Variants in SPESP1 observed in about 807,000 individuals in gnomAD.
The protein encoded by SPESP1 is sperm equatorial segment protein 1, also known as equatorial segment protein.
A neutral mutation model predicts 3.1 loss-of-function variants in SPESP1; 1 was observed. The ratio of observed to expected loss-of-function variants is 0.33; its 90% confidence interval spans 0.12 to 1.54. The LOEUF (loss-of-function observed/expected upper bound fraction) is 1.54, where lower values mean the gene tolerates loss of function less well. SPESP1 is among the 40% of genes most tolerant of loss of function. The pLI, the probability that SPESP1 is intolerant of heterozygous loss-of-function variation, is 0.38. For synonymous variants in SPESP1, 138 were observed against 150.7 expected, an observed-to-expected ratio of 0.92 and a Z score of 0.62; for missense variants, 398 against 410.1, an observed-to-expected ratio of 0.97 and a Z score of 0.26.
At chr15:68,934,024 A>G (rs76756706) in intron 1 of SPESP1, among the ~76,000 whole-genome samples, 275 of 152,090 alleles carry the variant, frequency 1.8e-3, no homozygotes, top group Non-Finnish European at 3.5e-3. Flanking sequence ...AAAGTGTGTT[A>G]ATATTAATTT....
chr15:68,936,706 TTTAATA>T (rs1226649486), intron 1 of SPESP1, among the ~76,000 whole-genome samples: 2 of 152,184 alleles, frequency 1.3e-5, no homozygotes, highest in East Asian at 3.8e-4. Flanking sequence ...ATGGAGGTAT[TTTAATA>T]TTAAGATTGT....
At chr15:68,934,498 C>A (rs903928509) in intron 1 of SPESP1, among the ~76,000 whole-genome samples, 1 of 152,172 alleles carries the variant, frequency 6.6e-6, no homozygotes, top group African/African-American at 2.4e-5. Context: ...ACTGTCATGA[C>A]ACACTTTGTT....
At chr15:68,935,864 C>T (rs1169273884) in intron 1 of SPESP1, among the ~76,000 whole-genome samples, 1 of 152,168 alleles carries the variant, frequency 6.6e-6, no homozygotes, top group Non-Finnish European at 1.5e-5. Context: ...ACAATTATTA[C>T]TACTTTGAGT....
At chr15:68,937,296 C>T (rs1397762904) in intron 1 of SPESP1, among the ~76,000 whole-genome samples, 2 of 152,002 alleles carry the variant, frequency 1.3e-5, no homozygotes, top group African/African-American at 4.8e-5. Flanking sequence ...CTGGGTAAAA[C>T]AGAGTATATA....
chr15:68,936,559 G>C (rs945596422), intron 1 of SPESP1, among the ~76,000 whole-genome samples: 1 of 152,188 alleles, frequency 6.6e-6, no homozygotes. Context: ...GGGTCTGGGG[G>C]ATAAGGGATA....
intron 1 of SPESP1, among the ~76,000 whole-genome samples, chr15:68,943,088 T>C (rs755038529): frequency 6.6e-6 from 1 of 152,010 alleles, no homozygotes; most frequent in Non-Finnish European, 1.5e-5. Context: ...TGTGTGTGTG[T>C]GTGTGTGTGT....
intron 1 of SPESP1, among the ~76,000 whole-genome samples, chr15:68,940,118 CTAT>C (rs1437741906): frequency 6.6e-6 from 1 of 152,086 alleles, no homozygotes; most frequent in Non-Finnish European, 1.5e-5. Flanking sequence ...GTTATTATTA[CTAT>C]TATTAGCATT....
At chr15:68,931,525 G>A (rs1895539707) in intron 1 of SPESP1, among the ~76,000 whole-genome samples, 1 of 152,168 alleles carries the variant, frequency 6.6e-6, no homozygotes, top group South Asian at 2.1e-4. Context: ...GACCCGTACG[G>A]TAAAATTTGG....
chr15:68,931,960 A>G (rs1895554392), intron 1 of SPESP1, among the ~76,000 whole-genome samples: 1 of 152,256 alleles, frequency 6.6e-6, no homozygotes, highest in Non-Finnish European at 1.5e-5. Context: ...TTAAAAATCA[A>G]ATTTAAAAAC....
At position 68,946,597 on chromosome 15, in the gene SPESP1, T is replaced by C. The variant is rs1233349131; in HGVS notation, c.*10T>C. 7.0e-7 allele frequency: 1 copy of C among 1,427,206 alleles called. No individual in the cohort carries two copies. The highest frequency in any genetic ancestry group is 1.5e-5 in the African/African-American group (1 of 68,762). 88.4% of individuals were successfully genotyped at this position (1,427,206 alleles called of 1,614,324 possible). On this transcript the variant is annotated 3_prime_UTR_variant, in exon 2 of 2. Transcript: ENST00000310673. Reference sequence around the variant, plus strand: ...ATTAAAAGTTTATTAAACAATAATATAAAAATTTTAAACCTACTTGATATT... The same window carrying C: ...ATTAAAAGTTTATTAAACAATAATACAAAAATTTTAAACCTACTTGATATT...
At chr15:68,933,314 C>A (rs185073198) in intron 1 of SPESP1, among the ~76,000 whole-genome samples, 7 of 152,230 alleles carry the variant, frequency 4.6e-5, no homozygotes, top group Admixed American at 2.0e-4. Flanking sequence ...ATAAATGCAG[C>A]TTGGGTATAC....
chr15:68,937,953 G>A lies in SPESP1; in HGVS notation c.64+7236G>A, dbSNP rs138347162. On this transcript the variant is annotated intron_variant, in intron 1 of 1. Coordinates refer to ENST00000310673, the MANE Select transcript of SPESP1 (RefSeq NM_145658.4). ...TCACATGTATTATTTATTGAGTGAA[G>A]TTTTAAATTTTATTTATTTATCTAT... Among the ~76,000 whole-genome samples, 455 of 151,994 alleles carry A rather than the reference G, an allele frequency of 3.0e-3. 5 individuals carry two copies. The highest frequency in any genetic ancestry group is 0.011 in the African/African-American group (439 of 41,472).
Position 68,930,599 on chromosome 15 carries a change from G to T in SPESP1, c.-55G>T, listed in dbSNP as rs1233440993. 6.2e-7 allele frequency: 1 copy of T among 1,609,208 alleles called. No individual in the cohort carries two copies. The highest frequency in any genetic ancestry group is 1.3e-5 in the African/African-American group (1 of 74,806). ...TTCCCTTTCGGCCTTGAGGTTCCCA[G>T]CCTGGTGGCCCCAGGACGTTCCGGT... On this transcript the variant is annotated 5_prime_UTR_variant, in exon 1 of 2. Transcript: ENST00000310673.
In SPESP1 at chr15:68,946,652, A is replaced by G. The variant is rs1418911009; in HGVS notation, c.*65A>G. 19 of 1,325,662 alleles carry G rather than the reference A, an allele frequency of 1.4e-5. No homozygotes were observed. Among genetic ancestry groups the G allele is most frequent in the East Asian group, 2.8e-5 (1 of 35,962 alleles). The allele number at this position is 1,325,662 out of a possible 1,614,324, so 82.1% of individuals were successfully genotyped here. ...AACAAAGCTGATTTAAGCAAACTGC[A>G]TTTTTTCACAGGAGAAATAATCATA... On this transcript the variant is annotated 3_prime_UTR_variant, in exon 2 of 2. Transcript: ENST00000310673.
rs1023343566 is a variant in SPESP1 at position 68,946,749 on chromosome 15, T to C, written c.*162T>C. ...AATGTGCCAACATCTTTATGTGTCA[T>C]GTGTTATGAACAATTTTCATATGCA... On this transcript the variant is annotated 3_prime_UTR_variant, in exon 2 of 2. Transcript: ENST00000310673. 1 of 946,112 alleles carries C rather than the reference T, an allele frequency of 1.1e-6. No homozygotes were observed. The highest frequency in any genetic ancestry group is 1.4e-6 in the Non-Finnish European group (1 of 719,292). 58.6% of individuals were successfully genotyped at this position (946,112 alleles called of 1,614,324 possible).
intron 1 of SPESP1, among the ~76,000 whole-genome samples, chr15:68,941,216 A>G (rs901661992): frequency 1.3e-5 from 2 of 152,244 alleles, no homozygotes; most frequent in Non-Finnish European, 2.9e-5. Flanking sequence ...ATAAATTAAA[A>G]GAGAGGATAT....
chr15:68,942,176 T>C (rs1271251792), intron 1 of SPESP1, among the ~76,000 whole-genome samples: 1 of 152,020 alleles, frequency 6.6e-6, no homozygotes, highest in Non-Finnish European at 1.5e-5. Flanking sequence ...TTTCTTTTTT[T>C]TTTTTGAGAC....
rs368487764 is a variant in SPESP1, at chr15:68,930,679, C to T, written c.26C>T (p.Ala9Val). ...ATGAAGCCCTTAGTCCTTCTAGTTG[C>T]GCTTTTGCTATGGCCTTCGTCTGTG... The part of the protein sequence containing the change: MKPLVLLV[A>V]LLLWPSSVPA... Residue 9 changes from alanine to valine, a missense_variant, in exon 1 of 2, where the codon GCG becomes GTG. Transcript: ENST00000310673. 4.0e-5 allele frequency: 65 copies of T among 1,614,018 alleles called. No individual in the cohort carries two copies. The African/African-American group carries it at 7.6e-4, about 19-fold the overall frequency.
intron 1 of SPESP1, among the ~76,000 whole-genome samples, chr15:68,932,393 C>G (rs1021746572): frequency 7.3e-5 from 11 of 151,218 alleles, no homozygotes; most frequent in South Asian, 4.2e-4. Context: ...CTTTTCCCCC[C>G]CTTTTTTTTT....
Sources: gnomAD v4.1 joint callset for allele counts (sites outside exome capture counted in the v4.1 genomes callset) on GRCh38, gnomAD v4.1.1 for gene constraint, MANE v1.5 for transcripts, NCBI Gene and HGNC (gene_info 2026-07-23, HGNC 2026-07-21) for gene names.